The following CEP112 variants were observed in gnomAD, a reference collection of about 807,000 sequenced individuals.
The protein encoded by CEP112 is centrosomal protein 112, also known as centrosomal protein of 112 kDa.
In CEP112, 127 loss-of-function variants were observed where a neutral mutation model predicts 153.0. The ratio of observed to expected loss-of-function variants is 0.83; its 90% confidence interval spans 0.72 to 0.96. CEP112 has a LOEUF of 0.96. CEP112 is among the 40% of genes least tolerant of loss of function. The probability of loss-of-function intolerance (pLI) is 0.00; values close to 1 mark genes in which losing one functional copy is unlikely to be tolerated. For synonymous variants in CEP112, 358 were observed against 374.4 expected (o/e 0.96, Z 0.51); for missense variants, 1,089 against 1,101.2 (o/e 0.99, Z 0.16).
chr17:66,130,571 C>T (rs1453703004), intron 5 of CEP112, among the ~76,000 whole-genome samples: 1 of 151,962 alleles, frequency 6.6e-6, no homozygotes, highest in Non-Finnish European at 1.5e-5. Context: ...GTCAGGAGAT[C>T]AAGACCATCC....
At chr17:65,926,821 G>A (rs970776681) in intron 19 of CEP112, among the ~76,000 whole-genome samples, 3 of 152,168 alleles carry the variant, frequency 2.0e-5, no homozygotes, top group African/African-American at 4.8e-5. Flanking sequence ...GAGGAGGCAT[G>A]TTCTCTCTGT....
At chr17:65,965,694 T>C (rs990131274) in intron 17 of CEP112, among the ~76,000 whole-genome samples, 20 of 151,966 alleles carry the variant, frequency 1.3e-4, no homozygotes, top group Non-Finnish European at 2.8e-4. Context: ...GCTAATTTTT[T>C]TCTTTTTTGT....
chr17:65,904,976 G>A (rs142121858), intron 19 of CEP112, among the ~76,000 whole-genome samples: 79 of 152,198 alleles, frequency 5.2e-4, no homozygotes, highest in African/African-American at 1.9e-3. Context: ...AGACTTAAAC[G>A]TAAGACCTAA....
At chr17:66,130,740 C>T (rs1278371723) in intron 5 of CEP112, among the ~76,000 whole-genome samples, 1 of 148,310 alleles carries the variant, frequency 6.7e-6, no homozygotes, top group Admixed American at 6.8e-5. Flanking sequence ...CACGCCACTG[C>T]ACTCCAGCCT....
intron 21 of CEP112, among the ~76,000 whole-genome samples, chr17:65,839,089 C>A (rs2057423844): frequency 6.6e-6 from 1 of 152,062 alleles, no homozygotes; most frequent in African/African-American, 2.4e-5. Flanking sequence ...GAACTAATAT[C>A]AATTCTACTC....
chr17:65,815,033 G>T (rs2056189518), intron 21 of CEP112, among the ~76,000 whole-genome samples: 1 of 151,914 alleles, frequency 6.6e-6, no homozygotes, highest in Non-Finnish European at 1.5e-5. Context: ...TATTTCTGAT[G>T]ATTTCTAATT....
chr17:65,951,167 T>G (rs540185409), intron 18 of CEP112, among the ~76,000 whole-genome samples: 1 of 152,206 alleles, frequency 6.6e-6, no homozygotes, highest in Non-Finnish European at 1.5e-5. Flanking sequence ...TTTGTGACTA[T>G]GTTCATGACA....
intron 17 of CEP112, among the ~76,000 whole-genome samples, chr17:66,000,109 G>A (rs1221784709): frequency 3.3e-5 from 5 of 152,022 alleles, no homozygotes; most frequent in African/African-American, 9.7e-5. Context: ...TTGCTGGGTC[G>A]AATGGTACTT....
chr17:66,069,951 A>G lies in CEP112; in HGVS notation c.819T>C (p.Leu273=). Residue 273 remains leucine, a synonymous_variant, in exon 9 of 27, where the codon CTT becomes CTC. Transcript: ENST00000535342. ...MMEAKFHEEK[L]KLQQKHDADV... is the part of the protein sequence containing the mutation. ...CAGCATCATGTTTCTGTTGCAGTTT[A>G]AGCTTTTCTTCATGAAATTTAGCTT... 6.2e-7 allele frequency: 1 copy of G among 1,607,668 alleles called. No individual in the cohort carries two copies. The highest frequency in any genetic ancestry group is 8.5e-7 in the Non-Finnish European group (1 of 1,176,212).
At chr17:65,669,236 T>C (rs2046846897) in intron 24 of CEP112, among the ~76,000 whole-genome samples, 2 of 152,208 alleles carry the variant, frequency 1.3e-5, no homozygotes, top group African/African-American at 4.8e-5. Context: ...CTCTTTCCTT[T>C]TGAAAATATG....
intron 21 of CEP112, among the ~76,000 whole-genome samples, chr17:65,793,039 C>G (rs2054686538): frequency 6.6e-6 from 1 of 151,732 alleles, no homozygotes; most frequent in African/African-American, 2.4e-5. Flanking sequence ...GAAAGCTTAC[C>G]CTGCACTGGT....
intron 6 of CEP112, among the ~76,000 whole-genome samples, chr17:66,097,108 G>C (rs922093412): frequency 6.6e-6 from 1 of 152,152 alleles, no homozygotes; most frequent in African/African-American, 2.4e-5. Flanking sequence ...TAATAGCAAA[G>C]AGAACACAAA....
At chr17:65,843,752 G>A (rs910640726) in intron 21 of CEP112, among the ~76,000 whole-genome samples, 2 of 152,116 alleles carry the variant, frequency 1.3e-5, no homozygotes, top group African/African-American at 4.8e-5. Flanking sequence ...TAAATGCTAT[G>A]TCAAAATGCT....
intron 8 of CEP112, among the ~76,000 whole-genome samples, chr17:66,080,054 C>A (rs1026714661): frequency 2.6e-5 from 4 of 152,016 alleles, no homozygotes; most frequent in Non-Finnish European, 5.9e-5. Flanking sequence ...ACCATAAAAA[C>A]CCTAGAAGAA....
intron 12 of CEP112, among the ~76,000 whole-genome samples, chr17:66,052,592 C>G (rs8182353): frequency 6.6e-6 from 1 of 151,872 alleles, no homozygotes; most frequent in African/African-American, 2.4e-5. Flanking sequence ...TGTAGCCTGA[C>G]TGTGGTGACC....
At chr17:65,751,596 C>G (rs1260624332) in intron 21 of CEP112, among the ~76,000 whole-genome samples, 1 of 152,140 alleles carries the variant, frequency 6.6e-6, no homozygotes, top group Non-Finnish European at 1.5e-5. Flanking sequence ...CTGAGTATGT[C>G]TCTCCCTGCA....
At chr17:65,772,617 C>CAG (rs1253567260) in intron 21 of CEP112, among the ~76,000 whole-genome samples, 1 of 44,372 alleles carries the variant, frequency 2.3e-5, no homozygotes, top group East Asian at 3.8e-3. Context: ...CACACACACA[C>CAG]AGACAGCCCC....
chr17:66,159,788 G>C (rs2071615832), intron 4 of CEP112, among the ~76,000 whole-genome samples: 1 of 152,012 alleles, frequency 6.6e-6, no homozygotes, highest in Non-Finnish European at 1.5e-5. Context: ...TTGAAAACCG[G>C]CATAAGACAA....
rs368098715 is a variant in CEP112, at chr17:66,037,746, C to T, written c.1219-7723G>A. ...GGCCCCAGAACCAGTCCCTTCAGCA[C>T]ACTACTCACCATATTCCATCAGGCT... On this transcript the variant is annotated intron_variant, in intron 12 of 26. Coordinates refer to ENST00000535342, the MANE Select transcript of CEP112 (RefSeq NM_001199165.4). Among the ~76,000 whole-genome samples, 7 of 152,138 alleles carry T rather than the reference C, an allele frequency of 4.6e-5. No homozygotes were observed. The East Asian group carries it at 9.6e-4, about 21-fold the overall frequency.
Sources: allele counts gnomAD v4.1 joint callset (sites outside exome capture counted in the v4.1 genomes callset), GRCh38; gene constraint gnomAD v4.1.1; transcripts MANE v1.5; gene names NCBI Gene and HGNC (gene_info 2026-07-23, HGNC 2026-07-21).